The following RAB37 variants were observed in gnomAD, a reference collection of about 807,000 sequenced individuals.
RAB37 encodes ras-related protein Rab-37.
A neutral mutation model predicts 33.1 loss-of-function variants in RAB37; 29 were observed. The ratio of observed to expected loss-of-function variants is 0.88; its 90% confidence interval spans 0.65 to 1.20. RAB37 has a LOEUF of 1.20. RAB37 is among the 50% of genes most tolerant of loss of function. The pLI is 0.00. For missense variants in RAB37, 299 were observed against 301.1 expected (o/e 0.99, Z 0.05); for synonymous variants, 128 against 119.5 (o/e 1.07, Z -0.47).
chr17:74,738,269 C>T lies in RAB37; in HGVS notation c.93+904C>T, dbSNP rs957706247. 6.6e-6 allele frequency among the ~76,000 whole-genome samples: 1 copy of T among 152,184 alleles called. No homozygotes were observed. Among genetic ancestry groups the T allele is most frequent in the Non-Finnish European group, 1.5e-5 (1 of 68,036 alleles). The stretch of plus-strand genomic sequence containing the variant: ...TCTCTCTGGGCCTCGGTTTCCTCCC[C>T]GACACCAGGGCTCACCCTTGCTGGG... On this transcript the variant is annotated intron_variant, in intron 1 of 8. Coordinates refer to ENST00000392613, the MANE Select transcript of RAB37 (RefSeq NM_001006638.3). The surrounding 1 kb of genome is among the most constrained non-coding windows in gnomAD (Gnocchi z 5.0).
intron 1 of RAB37, among the ~76,000 whole-genome samples, chr17:74,696,903 TGTTTGGTTTG>T (rs72122986): frequency 0.17 from 25,477 of 146,810 alleles, 3,812 homozygotes; most frequent in African/African-American, 0.41. Flanking sequence ...GGACCGATTT[TGTTTGGTTTG>T]GTTTGGTTTG....
Position 74,729,080 on chromosome 17 carries a change from G to A in RAB37, c.73-176G>A, listed in dbSNP as rs2034350924. Among the ~76,000 whole-genome samples, 1 of 151,984 alleles carries A rather than the reference G, an allele frequency of 6.6e-6. No individual in the cohort carries two copies. The highest frequency in any genetic ancestry group is 6.6e-5 in the Admixed American group (1 of 15,250). On this transcript the variant is annotated intron_variant, in intron 1 of 7. Coordinates refer to the RAB37 transcript ENST00000340415. This position sits in a 1 kb window ranked among gnomAD's most constrained non-coding sequence, Gnocchi z 4.2. ...GGGTGTTCTGTGTATGTGTGTACAT[G>A]TTTTTCTATGTCTGTATGTGTGTGT...
rs1217714552 is a variant in RAB37 at position 74,695,741 on chromosome 17, A to T, written c.72+24083A>T. On this transcript the variant is annotated intron_variant, in intron 1 of 7. Coordinates refer to the RAB37 transcript ENST00000340415. ...AGGACGCACCATGGTGACATATTCCACTTCCACCTGGTCAACCTGGGCAGA... is the reference window on the plus strand; with the variant it reads ...AGGACGCACCATGGTGACATATTCCTCTTCCACCTGGTCAACCTGGGCAGA... 1.9e-6 allele frequency: 3 copies of T among 1,613,802 alleles called. No individual in the cohort carries two copies. The South Asian group carries it at 3.3e-5, about 18-fold the overall frequency.
intron 3 of RAB37, 44 bp from the exon 4 acceptor site, chr17:74,743,085 C>T (rs769127146): frequency 2.5e-6 from 4 of 1,572,400 alleles, no homozygotes; most frequent in Middle Eastern, 1.7e-4. Flanking sequence ...ACATTCCTTG[C>T]ACCTGCCTCC....
chr17:74,736,631 A>G (rs2034478893), upstream of RAB37: 17 of 1,535,064 alleles, frequency 1.1e-5, no homozygotes, highest in Non-Finnish European at 1.3e-5. Flanking sequence ...TCTGGGCACA[A>G]CCAACAGGCC....
upstream of RAB37, among the ~76,000 whole-genome samples, chr17:74,732,697 A>G (rs2034404760): frequency 1.7e-5 from 1 of 58,166 alleles, no homozygotes; most frequent in African/African-American, 6.2e-5. Flanking sequence ...GTATGGTGTG[A>G]TTTGAGGGGT....
upstream of RAB37, among the ~76,000 whole-genome samples, chr17:74,735,025 GAAAGAAAGAAAGA>G (rs1567812435): frequency 3.2e-4 from 24 of 75,298 alleles, no homozygotes; most frequent in African/African-American, 8.1e-4. Context: ...AAGGAAGAAA[GAAAGAAAGAAAGA>G]AAGAAAGAAA....
At chr17:74,674,473 T>C in intron 1 of RAB37, among the ~76,000 whole-genome samples, 1 of 146,480 alleles carries the variant, frequency 6.8e-6, no homozygotes. Flanking sequence ...AGGTCAGGAG[T>C]TCAAGACCAG....
At chr17:74,688,161 G>T (rs910102321) in intron 1 of RAB37, among the ~76,000 whole-genome samples, 8 of 152,300 alleles carry the variant, frequency 5.3e-5, no homozygotes, top group African/African-American at 1.7e-4. Context: ...TCACAGTTGT[G>T]GTACCTGGTT....
chr17:74,690,941 C>T (rs988756827), intron 1 of RAB37, among the ~76,000 whole-genome samples: 4 of 152,194 alleles, frequency 2.6e-5, no homozygotes, highest in African/African-American at 9.7e-5. Flanking sequence ...TTTTTTGAGA[C>T]AGGGTCTCGT....
At chr17:74,735,057 GAAAGA>G, upstream of RAB37, among the ~76,000 whole-genome samples, 1 of 138,904 alleles carries the variant, frequency 7.2e-6, no homozygotes, top group Admixed American at 7.5e-5. Context: ...AAGAAAGAAA[GAAAGA>G]GAAAGAAAGG....
intron 1 of RAB37, chr17:74,695,118 T>G (rs946711455): frequency 2.5e-6 from 4 of 1,614,052 alleles, no homozygotes; most frequent in Non-Finnish European, 3.4e-6. Context: ...GATGGTGCTG[T>G]ATTCCGTGGG....
At chr17:74,727,630 T>A (rs548350250) in intron 1 of RAB37, among the ~76,000 whole-genome samples, 1 of 152,366 alleles carries the variant, frequency 6.6e-6, no homozygotes, top group African/African-American at 2.4e-5. Context: ...ATGATGGCTT[T>A]CAGAGCACGG....
At chr17:74,736,711 G>A, upstream of RAB37, 1 of 1,535,710 alleles carries the variant, frequency 6.5e-7, no homozygotes. Context: ...CCAAAACACC[G>A]CAGCGTACAT....
intron 1 of RAB37, among the ~76,000 whole-genome samples, chr17:74,710,104 G>A (rs903283401): frequency 3.3e-5 from 5 of 152,030 alleles, no homozygotes; most frequent in Non-Finnish European, 7.4e-5. Context: ...TCAGCCTCCT[G>A]AGTAGCTGGG....
Position 74,671,618 on chromosome 17 carries a change from G to C in RAB37, c.32G>C (p.Gly11Ala), listed in dbSNP as rs755975543. 6.2e-7 allele frequency: 1 copy of C among 1,614,230 alleles called. No individual in the cohort carries two copies. Among genetic ancestry groups the C allele is most frequent in the Admixed American group, 1.7e-5 (1 of 60,030 alleles). ...CTGCAGAGACCCGATTCCTACCAGG[G>C]AGGAGCTGGCCCTGACTTCAACGAC... The change falls in exon 1 of 8, where the codon GGA becomes GCA. Residue 11 changes from glycine (G) to alanine (A), a missense_variant. Physicochemically the swap from Gly to Ala is moderately conservative, Grantham distance 60. Coordinates refer to the RAB37 transcript ENST00000340415. The surrounding 1 kb of genome is among the most constrained non-coding windows in gnomAD (Gnocchi z 5.0).
chr17:74,717,948 T>C (rs1439980601), intron 1 of RAB37, among the ~76,000 whole-genome samples: 2 of 152,118 alleles, frequency 1.3e-5, no homozygotes, highest in African/African-American at 4.8e-5. Flanking sequence ...TACCAGTGCC[T>C]TGACCTTGGA....
chr17:74,739,810 C>A (rs1477412022), intron 1 of RAB37, among the ~76,000 whole-genome samples: 1 of 152,024 alleles, frequency 6.6e-6, no homozygotes, highest in Non-Finnish European at 1.5e-5. Flanking sequence ...GGATTACACA[C>A]ATGAGCTACT....
At position 74,745,099 on chromosome 17, in the gene RAB37, G is replaced by A. The variant is rs1188459103; in HGVS notation, c.566+15G>A. 1 of 1,613,676 alleles carries A rather than the reference G, an allele frequency of 6.2e-7. No individual in the cohort carries two copies. Among genetic ancestry groups the A allele is most frequent in the African/African-American group, 1.3e-5 (1 of 74,950 alleles). On this transcript the variant is annotated intron_variant, in intron 8 of 8. Coordinates refer to ENST00000392613, the MANE Select transcript of RAB37 (RefSeq NM_001006638.3). The surrounding 1 kb of genome is among the most constrained non-coding windows in gnomAD (Gnocchi z 4.5). ...GCCATCGCCAAGTGAGAGCTGGGCA[G>A]GGAAGGGAAGTGTGCGGGGCAGGGC...
Sources: allele counts gnomAD v4.1 joint callset (sites outside exome capture counted in the v4.1 genomes callset), GRCh38; gene constraint gnomAD v4.1.1; non-coding constraint Gnocchi (gnomAD v3.1); transcripts MANE v1.5; gene names NCBI Gene and HGNC (gene_info 2026-07-23, HGNC 2026-07-21).